WNT5A: variants seen among roughly 807,000 people sequenced by gnomAD.
WNT5A encodes protein Wnt-5a.
WNT5A carries 9 observed loss-of-function variants against 42.1 expected under a neutral mutation model. The ratio of observed to expected loss-of-function variants is 0.21; its 90% CI spans 0.13 to 0.37. The LOEUF is 0.37. Ranked by LOEUF, WNT5A falls within the 10% of genes least tolerant of loss-of-function variation. The probability of loss-of-function intolerance (pLI) is 1.00; values close to 1 mark genes in which losing one functional copy is unlikely to be tolerated. For synonymous variants in WNT5A, 210 were observed against 210.0 expected, an observed-to-expected ratio of 1.00 and a Z score of 0.00; for missense variants, 426 against 534.0, an observed-to-expected ratio of 0.80 and a Z score of 1.99.
chr3:55,501,941 C>T, the WNT5A span, among the ~76,000 whole-genome samples: 1 of 152,082 alleles, frequency 6.6e-6, no homozygotes, highest in African/African-American at 2.4e-5. Flanking sequence ...TGGTTTGGGG[C>T]AAGGTGAGGT....
intron 4 of WNT5A, among the ~76,000 whole-genome samples, chr3:55,470,921 A>G (rs1157956721): frequency 6.6e-6 from 1 of 152,168 alleles, no homozygotes; most frequent in Non-Finnish European, 1.5e-5. Flanking sequence ...CAGCTAGGTG[A>G]GAAGTGCTAG....
At chr3:55,492,686 T>C (rs2051673094), upstream of WNT5A, among the ~76,000 whole-genome samples, 1 of 152,168 alleles carries the variant, frequency 6.6e-6, no homozygotes, top group Non-Finnish European at 1.5e-5. Context: ...GAGATAATAA[T>C]CGGTAATAAA....
At chr3:55,476,929 A>G (rs550518461) in intron 3 of WNT5A, among the ~76,000 whole-genome samples, 17 of 152,340 alleles carry the variant, frequency 1.1e-4, no homozygotes, top group South Asian at 4.1e-4. Context: ...TAGCATGATG[A>G]AAAATGAGAA....
At position 55,487,082 on chromosome 3, in the gene WNT5A, C is replaced by A; in HGVS notation, c.-97G>T. ...ACCGGGTTAAGCCTGGGGGGACGGT[C>A]AGGAGCAGGGCTGCGGAGTCCTCCG... is the stretch of plus-strand genomic sequence containing the variant. On this transcript the variant is annotated 5_prime_UTR_variant, in exon 1 of 5. Transcript: ENST00000264634. 1 of 1,106,448 alleles carries A rather than the reference C, an allele frequency of 9.0e-7. No individual in the cohort carries two copies. The highest frequency in any genetic ancestry group is 1.4e-5 in the South Asian group (1 of 70,554). The allele number at this position is 1,106,448 out of a possible 1,614,324, so 68.5% of individuals were successfully genotyped here. A position where few individuals can be genotyped will look rare whatever the true frequency, so the allele number is the denominator to read the frequency against.
chr3:55,485,145 G>T (rs2051552351), intron 1 of WNT5A, among the ~76,000 whole-genome samples: 1 of 152,074 alleles, frequency 6.6e-6, no homozygotes, highest in Admixed American at 6.5e-5. Flanking sequence ...CTGGGAGAGT[G>T]GGGTCTGGTG....
intron 1 of WNT5A, among the ~76,000 whole-genome samples, chr3:55,482,939 A>G (rs2051497382): frequency 6.6e-6 from 1 of 152,248 alleles, no homozygotes; most frequent in Admixed American, 6.5e-5. Flanking sequence ...ACGCGTGCAT[A>G]GACACACACG....
Position 55,481,270 on chromosome 3 carries a change from A to G in WNT5A, c.7-352T>C, listed in dbSNP as rs1020352285. Reference sequence around the variant, plus strand: ...CCCCCCTCTAGTTGGTGCTGTGCTCAGTCCCTCCTGGGTAATTCACTCAGG... The same window carrying G: ...CCCCCCTCTAGTTGGTGCTGTGCTCGGTCCCTCCTGGGTAATTCACTCAGG... On this transcript the variant is annotated intron_variant, in intron 1 of 4. Transcript: ENST00000264634. The G allele has an allele frequency of 9.0e-6, 9 of 1,000,774 alleles. No homozygotes were observed. In the African/African-American group the frequency reaches 1.4e-4, roughly 15 times the overall value. 62.0% of individuals were successfully genotyped at this position (1,000,774 alleles called of 1,614,324 possible). A position where few individuals can be genotyped will look rare whatever the true frequency, so the allele number is the denominator to read the frequency against.
intron 1 of WNT5A, among the ~76,000 whole-genome samples, chr3:55,484,685 T>TACACAC (rs67013864): frequency 0.012 from 1,720 of 137,946 alleles, 28 homozygotes; most frequent in South Asian, 0.02. Flanking sequence ...GGCCCCAGGA[T>TACACAC]ACACACACAC....
At chr3:55,487,310 C>T, upstream of WNT5A, 1 of 391,504 alleles carries the variant, frequency 2.6e-6, no homozygotes, top group Non-Finnish European at 4.5e-6. Flanking sequence ...AACTGTTCCA[C>T]GGAGAGGCGC....
chr3:55,484,683 G>GATACACAC (rs2051540242), intron 1 of WNT5A, among the ~76,000 whole-genome samples: 1 of 93,938 alleles, frequency 1.1e-5, no homozygotes, highest in Non-Finnish European at 2.2e-5. Flanking sequence ...CAGGCCCCAG[G>GATACACAC]ATACACACAC....
upstream of WNT5A, among the ~76,000 whole-genome samples, chr3:55,490,771 C>T (rs2051649859): frequency 2.0e-5 from 3 of 152,098 alleles, no homozygotes; most frequent in African/African-American, 7.2e-5. Context: ...TGATTTATTC[C>T]ACTTGCTAGG....
upstream of WNT5A, among the ~76,000 whole-genome samples, chr3:55,495,075 T>C (rs1212476992): frequency 1.3e-5 from 2 of 152,252 alleles, no homozygotes; most frequent in South Asian, 2.1e-4. Context: ...ACAAAAATTG[T>C]ACATACATCT....
intron 3 of WNT5A, among the ~76,000 whole-genome samples, chr3:55,478,437 A>G (rs1375180162): frequency 6.6e-6 from 1 of 152,158 alleles, no homozygotes; most frequent in African/African-American, 2.4e-5. Context: ...CAGTCATATT[A>G]ATTATAAGGG....
intron 3 of WNT5A, among the ~76,000 whole-genome samples, chr3:55,476,692 T>C (rs902729158): frequency 1.3e-5 from 2 of 152,232 alleles, no homozygotes; most frequent in Non-Finnish European, 2.9e-5. Context: ...CTAAGCTAAT[T>C]GGTCACTGCA....
chr3:55,474,670 G>A (rs1431340295), intron 3 of WNT5A, 41 bp from the exon 4 acceptor site: 10 of 1,343,250 alleles, frequency 7.4e-6, no homozygotes, highest in Admixed American at 7.8e-5. Context: ...CCTGCCTCAC[G>A]CGCTGGGCCG....
chr3:55,504,164 C>T, the WNT5A span, among the ~76,000 whole-genome samples: 1 of 151,572 alleles, frequency 6.6e-6, no homozygotes, highest in Non-Finnish European at 1.5e-5. Flanking sequence ...CTCAGCTACT[C>T]GGGTGGCTGA....
chr3:55,495,691 T>G, the WNT5A span, among the ~76,000 whole-genome samples: 2 of 152,232 alleles, frequency 1.3e-5, no homozygotes, highest in Non-Finnish European at 2.9e-5. Flanking sequence ...TGACCTCATT[T>G]CCTTTGAATA....
chr3:55,500,719 G>A, the WNT5A span, among the ~76,000 whole-genome samples: 2 of 152,186 alleles, frequency 1.3e-5, no homozygotes, highest in East Asian at 3.8e-4. Flanking sequence ...CTTCCTCAGA[G>A]CTTCGTGTAC....
chr3:55,486,916 G>A, intron 1 of WNT5A, 64 bp downstream of exon 1: 1 of 1,267,978 alleles, frequency 7.9e-7, no homozygotes, highest in African/African-American at 1.5e-5. Flanking sequence ...AGGGAACTCA[G>A]TTAACTTCCA....
Sources: allele counts gnomAD v4.1 joint callset (sites outside exome capture counted in the v4.1 genomes callset), GRCh38; gene constraint gnomAD v4.1.1; transcripts MANE v1.5; gene names NCBI Gene and HGNC (gene_info 2026-07-23, HGNC 2026-07-21).